The following LGSN variants were observed in gnomAD, a reference collection of about 807,000 sequenced individuals.
The protein encoded by LGSN is lengsin, lens protein with glutamine synthetase domain, also known as lengsin.
LGSN carries 21 observed loss-of-function variants against 19.5 expected under a neutral mutation model. The observed-to-expected ratio is 1.07, with a 90% CI of 0.76 to 1.55. The LOEUF (loss-of-function observed/expected upper bound fraction) is 1.55, where lower values mean the gene tolerates loss of function less well. LGSN is among the 40% of genes most tolerant of loss of function. The pLI is 0.00. For missense variants in LGSN, 673 were observed against 608.5 expected, an observed-to-expected ratio of 1.11 and a Z score of -1.12; for synonymous variants, 257 against 215.6, an observed-to-expected ratio of 1.19 and a Z score of -1.68.
At chr6:63,559,860 C>A in the LGSN span, among the ~76,000 whole-genome samples, 2 of 152,098 alleles carry the variant, frequency 1.3e-5, no homozygotes, top group Non-Finnish European at 2.9e-5. Flanking sequence ...CTCCTGGGCT[C>A]AAACAATCCT....
chr6:63,568,366 C>T, the LGSN span, among the ~76,000 whole-genome samples: 2 of 152,314 alleles, frequency 1.3e-5, no homozygotes, highest in African/African-American at 4.8e-5. Context: ...ATTGCTGTGT[C>T]TCACTGAGGG....
the LGSN span, among the ~76,000 whole-genome samples, chr6:63,522,606 T>C: frequency 4.6e-5 from 7 of 152,222 alleles, no homozygotes; most frequent in Non-Finnish European, 1.0e-4. Context: ...TTTGTATTAG[T>C]TAAAAGAACA....
At chr6:63,376,164 C>T in the LGSN span, among the ~76,000 whole-genome samples, 3 of 152,094 alleles carry the variant, frequency 2.0e-5, no homozygotes, top group Non-Finnish European at 2.9e-5. Flanking sequence ...TTGCTAATTG[C>T]GCTTACATTT....
chr6:63,489,666 G>A, the LGSN span, among the ~76,000 whole-genome samples: 37 of 151,778 alleles, frequency 2.4e-4, 1 homozygote, highest in South Asian at 2.1e-4. Context: ...CGCCACACCC[G>A]ACCTGGATTT....
At chr6:63,479,077 G>A in the LGSN span, among the ~76,000 whole-genome samples, 2 of 152,294 alleles carry the variant, frequency 1.3e-5, no homozygotes, top group African/African-American at 4.8e-5. Flanking sequence ...CTGGAGACAG[G>A]AGTCCATTTC....
Position 63,279,443 on chromosome 6 carries a change from G to A in LGSN, c.*578C>T, listed in dbSNP as rs1313488486. 1.3e-5 allele frequency: 2 copies of A among 152,322 alleles called. No homozygotes were observed. The highest frequency in any genetic ancestry group is 2.9e-5 in the Non-Finnish European group (2 of 68,164). The allele number at this position is 152,322 out of a possible 1,614,324, so 9.4% of individuals were successfully genotyped here. On this transcript the variant is annotated 3_prime_UTR_variant, in exon 4 of 4. Transcript: ENST00000370657. ...TTTTCAGGAGCTAGTGGAGAAGGGT[G>A]AAAAGAGAAGAGACTTAGGGGAAAA...
chr6:63,288,226 C>CAAA (rs1358876693), intron 2 of LGSN, among the ~76,000 whole-genome samples: 2 of 108,228 alleles, frequency 1.8e-5, no homozygotes, highest in South Asian at 2.9e-4. Flanking sequence ...GACTCCATCT[C>CAAA]AAAAAAATAA....
the LGSN span, among the ~76,000 whole-genome samples, chr6:63,483,224 G>A: frequency 6.6e-6 from 1 of 152,194 alleles, no homozygotes; most frequent in East Asian, 1.9e-4. Flanking sequence ...TCTCTAAAAT[G>A]TAACCAAAGG....
the LGSN span, among the ~76,000 whole-genome samples, chr6:63,541,026 A>AAAGGAAGGAAGGAAGG: frequency 6.8e-6 from 1 of 146,466 alleles, no homozygotes; most frequent in Non-Finnish European, 1.5e-5. Context: ...GGGAATGAAG[A>AAAGGAAGGAAGGAAGG]AAGGAAGGAA....
the LGSN span, among the ~76,000 whole-genome samples, chr6:63,431,680 T>TTAAC: frequency 0.6 from 90,826 of 151,522 alleles, 27,510 homozygotes; most frequent in African/African-American, 0.64. Context: ...GTGATTAGTT[T>TTAAC]TAACTAAATG....
the LGSN span, among the ~76,000 whole-genome samples, chr6:63,512,966 G>A: frequency 6.6e-6 from 1 of 152,204 alleles, no homozygotes; most frequent in Non-Finnish European, 1.5e-5. Context: ...TATTGGGAAT[G>A]CTTTCAGCAG....
rs752528196 is a variant in LGSN at position 63,280,302 on chromosome 6, A to G, written c.1249T>C (p.Tyr417His). 1 of 1,614,218 alleles carries G rather than the reference A, an allele frequency of 6.2e-7. No homozygotes were observed. Among genetic ancestry groups the G allele is most frequent in the South Asian group, 1.1e-5 (1 of 91,086 alleles). Residue 417 changes from tyrosine to histidine, a missense_variant, in exon 4 of 4, where the codon TAC becomes CAC. Tyr to His is a moderately conservative substitution (Grantham distance 83). Coordinates refer to ENST00000370657, the MANE Select transcript of LGSN (RefSeq NM_016571.3). ...NKLGSATANP[Y>H]LVLAATVAAG... The stretch of plus-strand genomic sequence containing the variant: ...GCAACAGTTGCAGCCAGCACCAAGT[A>G]AGGGTTTGCTGTTGCTGAGCCTAGT...
At chr6:63,284,874 A>C (rs114393823) in intron 3 of LGSN, among the ~76,000 whole-genome samples, 7,072 of 152,306 alleles carry the variant, frequency 0.046, 265 homozygotes, top group Non-Finnish European at 0.071. Flanking sequence ...TGTTAATGTG[A>C]TAAAAGTGTA....
chr6:63,298,337 G>C (rs1196929213), intron 1 of LGSN, among the ~76,000 whole-genome samples: 2 of 152,182 alleles, frequency 1.3e-5, no homozygotes, highest in Non-Finnish European at 2.9e-5. Flanking sequence ...ACTGGGTACA[G>C]AAGTCATGAC....
intron 3 of LGSN, among the ~76,000 whole-genome samples, chr6:63,283,693 A>G (rs1767412962): frequency 6.6e-6 from 1 of 151,104 alleles, no homozygotes; most frequent in South Asian, 2.1e-4. Flanking sequence ...GCACAGATGA[A>G]TCTTTTTTTT....
chr6:63,369,501 A>C, the LGSN span, among the ~76,000 whole-genome samples: 90 of 152,278 alleles, frequency 5.9e-4, no homozygotes, highest in African/African-American at 1.9e-3. Context: ...GAAAATGTGG[A>C]AGCACTGATG....
intron 1 of LGSN, among the ~76,000 whole-genome samples, chr6:63,302,131 A>T (rs1005883506): frequency 5.9e-5 from 9 of 152,142 alleles, no homozygotes; most frequent in Non-Finnish European, 1.2e-4. Context: ...ATGGTACTTA[A>T]CATTCTCTGA....
chr6:63,321,263 C>T (rs150174378), upstream of LGSN, among the ~76,000 whole-genome samples: 201 of 152,230 alleles, frequency 1.3e-3, 1 homozygote, highest in African/African-American at 4.3e-3. Flanking sequence ...CTTTTTCTTG[C>T]ATGTGCTTGT....
At chr6:63,520,800 C>G in the LGSN span, among the ~76,000 whole-genome samples, 144 of 151,834 alleles carry the variant, frequency 9.5e-4, 1 homozygote, top group Non-Finnish European at 1.9e-3. Context: ...TAATTTTTTG[C>G]CTTGTAAACA....
Sources: gnomAD v4.1 joint callset for allele counts (sites outside exome capture counted in the v4.1 genomes callset) on GRCh38, gnomAD v4.1.1 for gene constraint, MANE v1.5 for transcripts, NCBI Gene and HGNC (gene_info 2026-07-23, HGNC 2026-07-21) for gene names.